CFL1: variants seen among roughly 807,000 people sequenced by gnomAD.
CFL1 encodes cofilin 1, also known as cofilin-1.
CFL1 carries 2 observed loss-of-function variants against 16.3 expected under a neutral mutation model. That is an observed-to-expected ratio of 0.12 (90% CI 0.05 to 0.39). The LOEUF is 0.39. Among genes scored for constraint, CFL1 ranks in the 10% least tolerant of loss-of-function variants. The probability of loss-of-function intolerance (pLI) is 0.99; values close to 1 mark genes in which losing one functional copy is unlikely to be tolerated. For missense variants in CFL1, 75 were observed against 212.2 expected (o/e 0.35, Z 4.02); for synonymous variants, 111 against 84.4 (o/e 1.31, Z -1.73).
rs563839765 is a variant in CFL1, at chr11:65,855,160, A to C, written c.*176T>G. Reference sequence around the variant, plus strand: ...GAAGGCCAGAACCGTCAAGGGATGGAGGGAGAAGGAAAATCCAGGGGGTGG... The same window carrying C: ...GAAGGCCAGAACCGTCAAGGGATGGCGGGAGAAGGAAAATCCAGGGGGTGG... On this transcript the variant is annotated 3_prime_UTR_variant, in exon 4 of 4. Coordinates refer to ENST00000308162, the MANE Select transcript of CFL1 (RefSeq NM_005507.3). The C allele has an allele frequency of 1.2e-4, 68 of 588,468 alleles. 1 individual carries two copies. The South Asian group carries it at 1.3e-3, about 11-fold the overall frequency. The allele number at this position is 588,468 out of a possible 1,614,324, so 36.5% of individuals were successfully genotyped here.
At chr11:65,857,361 C>T (rs1406647849) in intron 1 of CFL1, 1 of 383,538 alleles carries the variant, frequency 2.6e-6, no homozygotes, top group African/African-American at 2.2e-5. Flanking sequence ...GCTTCGGCAC[C>T]GGCGGCCGGG....
At chr11:65,856,360 A>G (rs1591047167) in intron 1 of CFL1, 118 bp from the exon 2 acceptor site, 1 of 975,566 alleles carries the variant, frequency 1.0e-6, no homozygotes, top group Non-Finnish European at 1.5e-6. Flanking sequence ...AAGGCAAGTC[A>G]CTAGTTTTCC....
At chr11:65,857,551 C>T (rs1165206135) in intron 1 of CFL1, 2 of 258,316 alleles carry the variant, frequency 7.7e-6, no homozygotes, top group Non-Finnish European at 1.7e-5. Context: ...GGGACCCCGT[C>T]TTCCCAGCAT....
intron 1 of CFL1, 109 bp downstream of exon 1, chr11:65,857,988 C>A (rs536265821): frequency 1.7e-5 from 21 of 1,251,622 alleles, no homozygotes; most frequent in Admixed American, 5.6e-5. Context: ...ACCCTCATCC[C>A]GCCCGGGGCG....
At chr11:65,855,598 T>G (rs1327218586) in intron 3 of CFL1, 56 bp downstream of exon 3, 21 of 1,560,494 alleles carry the variant, frequency 1.3e-5, no homozygotes, top group Non-Finnish European at 1.7e-5. Context: ...CCATTCACCC[T>G]GCCCTGCAGC....
Position 65,854,935 on chromosome 11 carries a change from A to T in CFL1, c.*401T>A, listed in dbSNP as rs1859352210. 5.7e-6 allele frequency: 1 copy of T among 175,060 alleles called. No individual in the cohort carries two copies. 10.8% of individuals were successfully genotyped at this position (175,060 alleles called of 1,614,324 possible). ...CACAGGGAGGGGTCATCTCCACAAC[A>T]TTCCATTTATACACAGAACTAAACA... On this transcript the variant is annotated 3_prime_UTR_variant, in exon 4 of 4. Coordinates refer to ENST00000308162, the MANE Select transcript of CFL1 (RefSeq NM_005507.3).
At position 65,855,984 on chromosome 11, in the gene CFL1, T is replaced by C; in HGVS notation, c.262A>G (p.Thr88Ala). 1 of 1,614,106 alleles carries C rather than the reference T, an allele frequency of 6.2e-7. No homozygotes were observed. Among genetic ancestry groups the C allele is most frequent in the Non-Finnish European group, 8.5e-7 (1 of 1,179,996 alleles). Residue 88 changes from threonine to alanine, a missense_variant, in exon 2 of 4, where the codon ACC becomes GCC. Coordinates refer to ENST00000308162, the MANE Select transcript of CFL1 (RefSeq NM_005507.3). The stretch of plus-strand genomic sequence containing the variant: ...TTCTTGCTCTCCTTGGTCTCATAGG[T>C]TGCATCATAGAGGGCATAGCGGCAG... ...KDCRYALYDA[T>A]YETKESKKED...
intron 1 of CFL1, chr11:65,857,366 G>A (rs1859406344): frequency 2.5e-6 from 1 of 399,922 alleles, no homozygotes; most frequent in Non-Finnish European, 5.1e-6. Flanking sequence ...GGCACCGGCG[G>A]CCGGGCCTGA....
intron 1 of CFL1, chr11:65,857,625 G>C: frequency 4.4e-6 from 1 of 227,432 alleles, no homozygotes; most frequent in South Asian, 3.2e-5. Context: ...CTGCTCCCGA[G>C]ACGGACCCGG....
intron 1 of CFL1, 55 bp downstream of exon 1, chr11:65,858,042 G>T: frequency 2.6e-6 from 4 of 1,513,212 alleles, no homozygotes; most frequent in African/African-American, 1.4e-5. Context: ...CGCTTCCCGC[G>T]CGCAGGCGAC....
intron 1 of CFL1, chr11:65,856,955 G>C (rs573955475): frequency 6.5e-6 from 1 of 153,304 alleles, no homozygotes; most frequent in Non-Finnish European, 1.5e-5. Flanking sequence ...CGGGGTGCCC[G>C]AGCCAGGAGA....
Position 65,856,112 on chromosome 11 carries a change from T to G in CFL1, c.134A>C (p.Lys45Thr). 6.2e-7 allele frequency: 1 copy of G among 1,614,196 alleles called. No homozygotes were observed. Among genetic ancestry groups the G allele is most frequent in the Non-Finnish European group, 8.5e-7 (1 of 1,180,044 alleles). The change falls in exon 2 of 4, where the codon AAG becomes ACG. Residue 45 changes from lysine (K) to threonine (T), a missense_variant. Transcript: ENST00000308162. ...AVLFCLSEDK[K>T]NIILEEGKEI... Reference sequence around the variant, plus strand: ...CTTGCCCTCCTCCAGGATGATGTTCTTCTTGTCCTCACTCAGGCAGAAGAG... The same window carrying G: ...CTTGCCCTCCTCCAGGATGATGTTCGTCTTGTCCTCACTCAGGCAGAAGAG...
intron 3 of CFL1, 89 bp downstream of exon 3, chr11:65,855,565 A>T (rs1218339012): frequency 1.3e-6 from 2 of 1,554,934 alleles, no homozygotes; most frequent in African/African-American, 2.7e-5. Flanking sequence ...AGCGAAGACA[A>T]GGGGGCAGAC....
In CFL1 at chr11:65,858,144, C is replaced by G. The variant is rs1207667115; in HGVS notation, c.-45G>C. The G allele has an allele frequency of 9.2e-6, 14 of 1,517,636 alleles. No homozygotes were observed. Among genetic ancestry groups the G allele is most frequent in the African/African-American group, 1.4e-5 (1 of 69,684 alleles). 94.0% of individuals were successfully genotyped at this position (1,517,636 alleles called of 1,614,324 possible). ...AGAGGGCACCGAGAGCCGCAGAAGA[C>G]GAGAGCGCTGCAGCCGCTGCCGGGA... On this transcript the variant is annotated 5_prime_UTR_variant, in exon 1 of 4. Transcript: ENST00000308162.
chr11:65,855,068 T>G lies in CFL1; in HGVS notation c.*268A>C, dbSNP rs1209373265. The G allele has an allele frequency of 7.0e-6, 3 of 429,536 alleles. No individual in the cohort carries two copies. Among genetic ancestry groups the G allele is most frequent in the African/African-American group, 2.0e-5 (1 of 49,560 alleles). 26.6% of individuals were successfully genotyped at this position (429,536 alleles called of 1,614,324 possible). On this transcript the variant is annotated 3_prime_UTR_variant, in exon 4 of 4. Coordinates refer to ENST00000308162, the MANE Select transcript of CFL1 (RefSeq NM_005507.3). Reference sequence around the variant, plus strand: ...AAAAAAATACAGGCTCCCCCACAACTGGGGTGCCTGGGGGGAACTTGGTCT... The same window carrying G: ...AAAAAAATACAGGCTCCCCCACAACGGGGGTGCCTGGGGGGAACTTGGTCT...
At chr11:65,856,521 C>A in intron 1 of CFL1, 1 of 397,166 alleles carries the variant, frequency 2.5e-6, no homozygotes, top group East Asian at 5.2e-5. Context: ...AAATGTGAAC[C>A]CAGAATTAAA....
rs1207667115 is a variant in CFL1, at chr11:65,858,144, C to T, written c.-45G>A. On this transcript the variant is annotated 5_prime_UTR_variant, in exon 1 of 4. Transcript: ENST00000308162. ...AGAGGGCACCGAGAGCCGCAGAAGA[C>T]GAGAGCGCTGCAGCCGCTGCCGGGA... 7 of 1,517,754 alleles carry T rather than the reference C, an allele frequency of 4.6e-6. No individual in the cohort carries two copies. The highest frequency in any genetic ancestry group is 2.1e-5 in the Admixed American group (1 of 48,196). The allele number at this position is 1,517,754 out of a possible 1,614,324, so 94.0% of individuals were successfully genotyped here. A position where few individuals can be genotyped will look rare whatever the true frequency, so the allele number is the denominator to read the frequency against.
At chr11:65,856,290 G>T (rs1391939578) in intron 1 of CFL1, 48 bp from the exon 2 acceptor site, 6 of 1,564,244 alleles carry the variant, frequency 3.8e-6, no homozygotes, top group Non-Finnish European at 4.4e-6. Flanking sequence ...CTAGGGAACT[G>T]CCCCTTGTTT....
chr11:65,854,728 A>C lies in CFL1; in HGVS notation c.*608T>G, dbSNP rs994384515. 1.3e-5 allele frequency: 2 copies of C among 152,882 alleles called. No individual in the cohort carries two copies. Among genetic ancestry groups the C allele is most frequent in the African/African-American group, 4.8e-5 (2 of 41,362 alleles). 9.5% of individuals were successfully genotyped at this position (152,882 alleles called of 1,614,324 possible). A position where few individuals can be genotyped will look rare whatever the true frequency, so the allele number is the denominator to read the frequency against. ...GTTGGGTGTGGAGTACAGAGGAGAG[A>C]GATAGCACCATTATCCCAGTGCACC... On this transcript the variant is annotated 3_prime_UTR_variant, in exon 4 of 4. Coordinates refer to ENST00000308162, the MANE Select transcript of CFL1 (RefSeq NM_005507.3).
Sources: allele counts gnomAD v4.1 joint callset, GRCh38; gene constraint gnomAD v4.1.1; transcripts MANE v1.5; gene names NCBI Gene and HGNC (gene_info 2026-07-23, HGNC 2026-07-21).